The following PDZD2 variants were observed in gnomAD, a reference collection of about 807,000 sequenced individuals.
The protein encoded by PDZD2 is PDZ domain-containing protein 2.
In PDZD2, 90 loss-of-function variants were observed where a neutral mutation model predicts 220.7. That is an observed-to-expected ratio of 0.41 (90% confidence interval 0.34 to 0.49). The LOEUF is 0.49. Among genes scored for constraint, PDZD2 ranks in the 20% least tolerant of loss-of-function variants. The pLI, the probability that PDZD2 is intolerant of heterozygous loss-of-function variation, is 0.28. For synonymous variants in PDZD2, 1,375 were observed against 1,450.5 expected (o/e 0.95, Z 1.18); for missense variants, 3,174 against 3,608.5 (o/e 0.88, Z 3.08).
At chr5:32,021,556 C>G (rs927552523) in intron 6 of PDZD2, among the ~76,000 whole-genome samples, 14 of 152,114 alleles carry the variant, frequency 9.2e-5, no homozygotes, top group Admixed American at 4.6e-4. Context: ...CCTCAGCCCC[C>G]CAAAGTGCTG....
At position 32,098,614 on chromosome 5, in the gene PDZD2, TC is replaced by T; in HGVS notation, c.8203del (p.Leu2735TrpfsTer20). The stretch of plus-strand genomic sequence containing the variant: ...AAGGGTTTGCTGTCCAGAAAGACCA[TC>T]CCCCTGGAGCCTGGCATTGGTAAGA... Reference protein sequence around the residue: ...NGKGLLSRKTIPLEPGIGRSV... With the variant: ...NGKGLLSRKTXPLEPGIGRSV... On this transcript the variant is annotated frameshift_variant, in exon 23 of 25. Transcript: ENST00000438447. LOFTEE classifies it high-confidence loss of function. This position sits in a 1 kb window ranked among gnomAD's most constrained non-coding sequence, Gnocchi z 4.1. 1 of 1,613,754 alleles carries T rather than the reference TC, an allele frequency of 6.2e-7. No individual in the cohort carries two copies. The highest frequency in any genetic ancestry group is 8.5e-7 in the Non-Finnish European group (1 of 1,179,876).
rs62349081 is a variant in PDZD2 at position 31,659,409 on chromosome 5, G to A, written c.-361+19972G>A. Among the ~76,000 whole-genome samples the A allele has an allele frequency of 7.3e-3, 1,101 of 151,530 alleles. 9 individuals carry two copies. Among genetic ancestry groups the A allele is most frequent in the Middle Eastern group, 0.044 (13 of 294 alleles). On this transcript the variant is annotated intron_variant, in intron 1 of 24. Transcript: ENST00000438447. Reference sequence around the variant, plus strand: ...GACTCACACATCCAAGTGTCTACCCGCCATCTCCATCTGGTTGACCCTCAG... The same window carrying A: ...GACTCACACATCCAAGTGTCTACCCACCATCTCCATCTGGTTGACCCTCAG...
chr5:31,996,606 G>A (rs1479246834), intron 4 of PDZD2, among the ~76,000 whole-genome samples: 1 of 152,166 alleles, frequency 6.6e-6, no homozygotes, highest in Non-Finnish European at 1.5e-5. Context: ...TACTTGGGAG[G>A]CTGAGGCACG....
At position 32,083,968 on chromosome 5, in the gene PDZD2, GC is replaced by G. The variant is rs1742212928; in HGVS notation, c.3683-3160del. On this transcript the variant is annotated intron_variant, in intron 19 of 24. Coordinates refer to ENST00000438447, the MANE Select transcript of PDZD2 (RefSeq NM_178140.4). This position sits in a 1 kb window ranked among gnomAD's most constrained non-coding sequence, Gnocchi z 4.1. ...GCTGGGATTACAGGCATGAGCCACCGCCCACGGCCTGAATATGAAATTTAAA... is the reference window on the plus strand; with the variant it reads ...GCTGGGATTACAGGCATGAGCCACCGCCACGGCCTGAATATGAAATTTAAA... Among the ~76,000 whole-genome samples, 2 of 152,092 alleles carry G rather than the reference GC, an allele frequency of 1.3e-5. No homozygotes were observed. Among genetic ancestry groups the G allele is most frequent in the African/African-American group, 2.4e-5 (1 of 41,404 alleles).
At chr5:32,042,299 C>T (rs1243738480) in intron 7 of PDZD2, among the ~76,000 whole-genome samples, 2 of 150,932 alleles carry the variant, frequency 1.3e-5, no homozygotes, top group African/African-American at 4.9e-5. Context: ...TGGTGGCTCA[C>T]GCCTGTAATC....
chr5:31,680,966 G>A (rs912872562), intron 1 of PDZD2, among the ~76,000 whole-genome samples: 1 of 151,980 alleles, frequency 6.6e-6, no homozygotes, highest in Non-Finnish European at 1.5e-5. Flanking sequence ...CCCATTCTGG[G>A]GACTGGCCAG....
At chr5:32,005,113 T>A (rs1381406967) in intron 5 of PDZD2, among the ~76,000 whole-genome samples, 1 of 152,248 alleles carries the variant, frequency 6.6e-6, no homozygotes, top group Non-Finnish European at 1.5e-5. Flanking sequence ...CATGTTTCTC[T>A]TCTTTATCCA....
chr5:31,743,486 T>G (rs1227725499), intron 1 of PDZD2, among the ~76,000 whole-genome samples: 2 of 152,166 alleles, frequency 1.3e-5, no homozygotes, highest in Non-Finnish European at 2.9e-5. Flanking sequence ...GTTGCTTGTA[T>G]TTTCTTTTCT....
At chr5:31,812,208 T>C (rs1413958598) in intron 2 of PDZD2, among the ~76,000 whole-genome samples, 2 of 152,116 alleles carry the variant, frequency 1.3e-5, no homozygotes, top group African/African-American at 4.8e-5. Context: ...AAATGGTTCA[T>C]GCTCTAGAAT....
intron 1 of PDZD2, among the ~76,000 whole-genome samples, chr5:31,724,024 A>C (rs1471281835): frequency 6.6e-6 from 1 of 152,174 alleles, no homozygotes; most frequent in Admixed American, 6.6e-5. Flanking sequence ...TGTAAACATC[A>C]AAATTTCAAT....
intron 2 of PDZD2, among the ~76,000 whole-genome samples, chr5:31,897,705 T>C (rs567430254): frequency 6.6e-6 from 1 of 151,258 alleles, no homozygotes; most frequent in South Asian, 2.1e-4. Context: ...ACATGAAACA[T>C]GCAGATGATA....
chr5:32,090,916 A>T lies in PDZD2; in HGVS notation c.7468A>T (p.Met2490Leu). The T allele has an allele frequency of 1.2e-6, 2 of 1,614,026 alleles. No homozygotes were observed. Among genetic ancestry groups the T allele is most frequent in the Non-Finnish European group, 1.7e-6 (2 of 1,180,012 alleles). The part of the protein sequence containing the change: ...SKLQELRALS[M>L]PDLDKLCSED... ...GCTCCAGGAGCTGAGAGCCTTGAGC[A>T]TGCCTGACCTTGACAAGCTCTGCAG... Residue 2490 changes from methionine to leucine, a missense_variant, in exon 20 of 25, where the codon ATG becomes TTG. Physicochemically the swap from Met to Leu is conservative, Grantham distance 15. This residue lies in a region of PDZD2 where 631 missense variants were observed against 789.9 expected (regional missense o/e 0.80). Transcript: ENST00000438447. The surrounding 1 kb of genome is among the most constrained non-coding windows in gnomAD (Gnocchi z 4.3).
At chr5:31,989,782 T>C (rs1353745178) in intron 3 of PDZD2, among the ~76,000 whole-genome samples, 1 of 152,200 alleles carries the variant, frequency 6.6e-6, no homozygotes, top group Non-Finnish European at 1.5e-5. Context: ...AGGTTGATTC[T>C]GTATCTTTGC....
intron 1 of PDZD2, among the ~76,000 whole-genome samples, chr5:31,702,408 C>T (rs1251809347): frequency 6.6e-6 from 1 of 152,156 alleles, no homozygotes; most frequent in Non-Finnish European, 1.5e-5. Flanking sequence ...CGGCCTTGGA[C>T]CTGAGAGTTC....
Position 32,051,688 on chromosome 5 carries a change from T to A in PDZD2, c.1666-923T>A, listed in dbSNP as rs558894299. 6.8e-4 allele frequency among the ~76,000 whole-genome samples: 103 copies of A among 151,982 alleles called. 1 individual carries two copies. The highest frequency in any genetic ancestry group is 2.4e-3 in the African/African-American group (98 of 41,452). ...ATGGGTGATGGACACAAAAAAGGGG[T>A]GAGATTGGAGCTGCTGCGTGTCAGG... On this transcript the variant is annotated intron_variant, in intron 8 of 24. Coordinates refer to ENST00000438447, the MANE Select transcript of PDZD2 (RefSeq NM_178140.4).
At chr5:31,944,956 G>C (rs1012064331) in intron 2 of PDZD2, among the ~76,000 whole-genome samples, 2 of 152,216 alleles carry the variant, frequency 1.3e-5, no homozygotes, top group Admixed American at 6.5e-5. Context: ...ACATGTGTGC[G>C]GACCAGATGC....
intron 2 of PDZD2, among the ~76,000 whole-genome samples, chr5:31,906,085 C>T (rs1336055079): frequency 4.0e-5 from 3 of 74,418 alleles, no homozygotes; most frequent in African/African-American, 8.3e-5. Flanking sequence ...GCAGTGGCAC[C>T]GTCTCGGCTT....
chr5:31,811,805 C>T (rs1435805360), intron 2 of PDZD2, among the ~76,000 whole-genome samples: 1 of 151,906 alleles, frequency 6.6e-6, no homozygotes, highest in Non-Finnish European at 1.5e-5. Context: ...ACCTGGCCAA[C>T]ACGGTGAAAC....
chr5:31,647,419 A>G (rs1396511734), intron 1 of PDZD2, among the ~76,000 whole-genome samples: 1 of 152,102 alleles, frequency 6.6e-6, no homozygotes, highest in Non-Finnish European at 1.5e-5. Context: ...CTCTCACAGT[A>G]TCCTCTTCAC....
Sources: allele counts gnomAD v4.1 joint callset (sites outside exome capture counted in the v4.1 genomes callset), GRCh38; gene constraint gnomAD v4.1.1; regional missense constraint gnomAD v4.1.1; non-coding constraint Gnocchi (gnomAD v3.1); transcripts MANE v1.5; gene names NCBI Gene and HGNC (gene_info 2026-07-23, HGNC 2026-07-21).